Variants in PLEKHH2 observed in about 807,000 individuals in gnomAD.
PLEKHH2 encodes pleckstrin homology, MyTH4 and FERM domain containing H2, also known as pleckstrin homology domain-containing family H member 2.
Under a neutral mutation model 187.9 loss-of-function variants are expected in PLEKHH2, and 129 were observed. The ratio of observed to expected loss-of-function variants is 0.69; its 90% confidence interval spans 0.59 to 0.79. The LOEUF (loss-of-function observed/expected upper bound fraction) is 0.79. PLEKHH2 is among the 30% of genes least tolerant of loss of function. The probability of loss-of-function intolerance (pLI) is 0.00; values close to 1 mark genes in which losing one functional copy is unlikely to be tolerated. For synonymous variants in PLEKHH2, 686 were observed against 605.6 expected (o/e 1.13, Z -1.95); for missense variants, 2,076 against 1,751.2 (o/e 1.19, Z -3.31).
At chr2:43,719,157 A>T (rs910830065) in intron 15 of PLEKHH2, among the ~76,000 whole-genome samples, 2 of 152,146 alleles carry the variant, frequency 1.3e-5, no homozygotes, top group African/African-American at 4.8e-5. Flanking sequence ...TGTCTTCTTC[A>T]CAAGGCTGTG....
At chr2:43,666,328 C>A (rs999922796) in intron 2 of PLEKHH2, among the ~76,000 whole-genome samples, 1 of 151,376 alleles carries the variant, frequency 6.6e-6, no homozygotes, top group Non-Finnish European at 1.5e-5. Context: ...CGCCCTGCTT[C>A]GGCTCGCGCA....
chr2:43,644,881 G>A (rs1350368425), intron 2 of PLEKHH2, 85 bp downstream of exon 2: 2 of 1,351,666 alleles, frequency 1.5e-6, no homozygotes, highest in Admixed American at 2.6e-5. Context: ...AGTACTTTGG[G>A]GGTTTGATTT....
chr2:43,641,829 C>T lies in PLEKHH2; in HGVS notation c.-3-2842C>T, dbSNP rs944400312. 2.0e-5 allele frequency among the ~76,000 whole-genome samples: 3 copies of T among 152,184 alleles called. No homozygotes were observed. In the East Asian group the frequency reaches 5.8e-4, roughly 29 times the overall value. On this transcript the variant is annotated intron_variant, in intron 1 of 29. Coordinates refer to ENST00000282406, the MANE Select transcript of PLEKHH2 (RefSeq NM_172069.4). Reference sequence around the variant, plus strand: ...CTTTAATTCTGGACTTAACTTTATTCTGTTTATCTATATATCTATCTTTAT... The same window carrying T: ...CTTTAATTCTGGACTTAACTTTATTTTGTTTATCTATATATCTATCTTTAT...
intron 16 of PLEKHH2, among the ~76,000 whole-genome samples, chr2:43,723,099 G>A (rs1670563327): frequency 6.6e-6 from 1 of 152,188 alleles, no homozygotes; most frequent in South Asian, 2.1e-4. Context: ...TAGGGTGGAT[G>A]AAACCTAGAT....
intron 3 of PLEKHH2, among the ~76,000 whole-genome samples, chr2:43,687,033 G>A (rs1292669902): frequency 6.6e-6 from 1 of 152,078 alleles, no homozygotes; most frequent in Non-Finnish European, 1.5e-5. Context: ...GGGTACATGT[G>A]CAGGTTTGCT....
chr2:43,684,749 C>G (rs899793984), intron 3 of PLEKHH2, among the ~76,000 whole-genome samples: 6 of 148,168 alleles, frequency 4.0e-5, no homozygotes, highest in African/African-American at 1.5e-4. Flanking sequence ...TTATTTAATT[C>G]TATGTGCTAT....
chr2:43,720,662 G>A lies in PLEKHH2; in HGVS notation c.2461-7G>A. The A allele has an allele frequency of 3.1e-6, 5 of 1,607,316 alleles. No homozygotes were observed. The highest frequency in any genetic ancestry group is 4.2e-6 in the Non-Finnish European group (5 of 1,178,062). ...TAAACTTGTAATTCATTGAAATATG[G>A]TTTCAGGTAAAACATGGATATTCCA... On this transcript the variant is annotated splice_polypyrimidine_tract_variant and splice_region_variant and intron_variant, in intron 15 of 29. Coordinates refer to ENST00000282406, the MANE Select transcript of PLEKHH2 (RefSeq NM_172069.4).
At chr2:43,712,084 C>G in intron 14 of PLEKHH2, 141 bp from the exon 15 acceptor site, 2 of 1,312,708 alleles carry the variant, frequency 1.5e-6, no homozygotes, top group African/African-American at 1.5e-5. Flanking sequence ...GATATGGAGT[C>G]ATTTATTTAG....
intron 24 of PLEKHH2, among the ~76,000 whole-genome samples, chr2:43,751,118 G>A (rs1486883185): frequency 1.3e-5 from 2 of 152,204 alleles, no homozygotes; most frequent in African/African-American, 2.4e-5. Context: ...TTGTCTGAAG[G>A]ATTAAATGTT....
intron 27 of PLEKHH2, 52 bp from the exon 28 acceptor site, chr2:43,762,252 C>T (rs1383074642): frequency 3.1e-6 from 4 of 1,304,438 alleles, no homozygotes; most frequent in Non-Finnish European, 4.4e-6. Context: ...GAAAAATATT[C>T]CTGTAATTTT....
At chr2:43,657,882 T>C (rs1197063722) in intron 2 of PLEKHH2, among the ~76,000 whole-genome samples, 1 of 152,200 alleles carries the variant, frequency 6.6e-6, no homozygotes, top group African/African-American at 2.4e-5. Context: ...GTCTTAAAAT[T>C]TTAAGGGTAA....
At chr2:43,744,064 T>C in intron 23 of PLEKHH2, 75 bp downstream of exon 23, 2 of 1,527,618 alleles carry the variant, frequency 1.3e-6, no homozygotes, top group Non-Finnish European at 1.8e-6. Flanking sequence ...AGAGTAAACT[T>C]TGCAAGAAGT....
Position 43,731,495 on chromosome 2 carries a change from C to T in PLEKHH2, c.2836C>T (p.Gln946Ter), listed in dbSNP as rs1671034822. 4 of 1,574,564 alleles carry T rather than the reference C, an allele frequency of 2.5e-6. No homozygotes were observed. Among genetic ancestry groups the T allele is most frequent in the Non-Finnish European group, 3.5e-6 (4 of 1,146,682 alleles). Reference protein sequence around the residue: ...LLNIDGEPSSQIWRHPTLCHS... With the variant: ...LLNIDGEPSS ...ATATTTTATTCTGCATTTAGCCTCT[C>T]AGATATGGAGACACCCCACTTTGTG... Residue 946 changes from glutamine (Q) to a stop codon, truncating the protein, a stop_gained, in exon 19 of 30, where the codon CAG becomes TAG. Coordinates refer to ENST00000282406, the MANE Select transcript of PLEKHH2 (RefSeq NM_172069.4). LOFTEE classifies it high-confidence loss of function.
chr2:43,758,070 C>A (rs1236506127), intron 26 of PLEKHH2, among the ~76,000 whole-genome samples: 1 of 152,116 alleles, frequency 6.6e-6, no homozygotes, highest in Non-Finnish European at 1.5e-5. Flanking sequence ...AGAGGCAAAT[C>A]CAATTTATCG....
At chr2:43,641,759 C>T (rs1665941700) in intron 1 of PLEKHH2, among the ~76,000 whole-genome samples, 1 of 152,110 alleles carries the variant, frequency 6.6e-6, no homozygotes, top group Non-Finnish European at 1.5e-5. Context: ...CTATTCTTTC[C>T]CCCATTGGAT....
chr2:43,684,396 A>G (rs1459078442), intron 3 of PLEKHH2, among the ~76,000 whole-genome samples: 1 of 152,154 alleles, frequency 6.6e-6, no homozygotes. Flanking sequence ...TATGGGAAAA[A>G]GAGAAAAAAA....
chr2:43,675,645 A>T, intron 2 of PLEKHH2: 1 of 1,613,972 alleles, frequency 6.2e-7, no homozygotes, highest in South Asian at 1.1e-5. Context: ...GAACTCCTGC[A>T]TATTTCAGGC....
intron 3 of PLEKHH2, among the ~76,000 whole-genome samples, chr2:43,688,383 T>G (rs1668631774): frequency 6.6e-6 from 1 of 152,212 alleles, no homozygotes; most frequent in South Asian, 2.1e-4. Context: ...GTCATTCTAT[T>G]TGGAAACAAT....
At chr2:43,708,446 A>G (rs1162514660) in intron 11 of PLEKHH2, among the ~76,000 whole-genome samples, 1 of 152,028 alleles carries the variant, frequency 6.6e-6, no homozygotes, top group Non-Finnish European at 1.5e-5. Context: ...CTTCCCCTAG[A>G]TGTCCGTATA....
Sources: allele counts gnomAD v4.1 joint callset (sites outside exome capture counted in the v4.1 genomes callset), GRCh38; gene constraint gnomAD v4.1.1; transcripts MANE v1.5; gene names NCBI Gene and HGNC (gene_info 2026-07-23, HGNC 2026-07-21).